FKRP: variants seen among roughly 807,000 people sequenced by gnomAD.
FKRP encodes ribitol 5-phosphate transferase FKRP.
In FKRP, 25 loss-of-function variants were observed where a neutral mutation model predicts 30.6. That is an observed-to-expected ratio of 0.82 (90% CI 0.60 to 1.14). The LOEUF (loss-of-function observed/expected upper bound fraction) is 1.14, where lower values mean the gene tolerates loss of function less well. Ranked by LOEUF, FKRP falls within the 50% of genes most tolerant of loss-of-function variation. The pLI is 0.00. For synonymous variants in FKRP, 358 were observed against 342.5 expected, an observed-to-expected ratio of 1.05 and a Z score of -0.50; for missense variants, 771 against 727.8, an observed-to-expected ratio of 1.06 and a Z score of -0.68.
chr19:46,746,430 T>C (rs1335864585), intron 1 of FKRP: 9 of 1,013,994 alleles, frequency 8.9e-6, no homozygotes, highest in Non-Finnish European at 9.4e-6. Context: ...TCCTCCATCA[T>C]GGAGGCCCCG....
intron 1 of FKRP, chr19:46,746,494 C>G (rs1200018335): frequency 6.5e-5 from 8 of 122,452 alleles, no homozygotes; most frequent in Non-Finnish European, 7.7e-5. Flanking sequence ...CGCGCCAACA[C>G]CCCCCCCCCT....
chr19:46,746,295 T>G (rs2054610501), intron 1 of FKRP: 4 of 1,396,868 alleles, frequency 2.9e-6, no homozygotes, highest in African/African-American at 1.5e-5. Flanking sequence ...CCGCCTCCCT[T>G]ACCTGCCGGG....
chr19:46,746,408 G>A, intron 1 of FKRP: 5 of 1,046,124 alleles, frequency 4.8e-6, no homozygotes, highest in East Asian at 8.1e-5. Context: ...GGCGACCGCG[G>A]CGGCCGCTCG....
intron 2 of FKRP, 114 bp downstream of exon 2, chr19:46,748,202 G>A (rs2054706336): frequency 6.6e-6 from 1 of 152,046 alleles, no homozygotes; most frequent in Admixed American, 6.6e-5. Flanking sequence ...TTTTGAGACG[G>A]AGTGTCGCTC....
intron 1 of FKRP, chr19:46,747,203 T>G (rs1203556700): frequency 6.6e-6 from 1 of 152,482 alleles, no homozygotes; most frequent in Non-Finnish European, 1.5e-5. Flanking sequence ...GGGAGGCCCA[T>G]GCACCAAACT....
intron 1 of FKRP, chr19:46,747,029 T>G (rs983151767): frequency 9.8e-5 from 15 of 152,292 alleles, no homozygotes; most frequent in Admixed American, 5.3e-4. Flanking sequence ...TCTGCTCCTA[T>G]CCTCATTGAT....
Position 46,757,031 on chromosome 19 carries a change from A to T in FKRP, c.*93A>T. ...TGAGGGGTGGAGGGATGTCGCGGAG[A>T]GGGGAAGGGGGAAACTGACCAAGAA... On this transcript the variant is annotated 3_prime_UTR_variant, in exon 4 of 4. Transcript: ENST00000318584. 6.6e-7 allele frequency: 1 copy of T among 1,506,450 alleles called. No individual in the cohort carries two copies. The allele number at this position is 1,506,450 out of a possible 1,614,324, so 93.3% of individuals were successfully genotyped here.
Position 46,758,329 on chromosome 19 carries a change from T to C in FKRP, c.*1391T>C, listed in dbSNP as rs2054966982. 1 of 167,012 alleles carries C rather than the reference T, an allele frequency of 6.0e-6. No homozygotes were observed. The highest frequency in any genetic ancestry group is 6.6e-5 in the Admixed American group (1 of 15,262). 10.3% of individuals were successfully genotyped at this position (167,012 alleles called of 1,614,324 possible). A position where few individuals can be genotyped will look rare whatever the true frequency, so the allele number is the denominator to read the frequency against. On this transcript the variant is annotated 3_prime_UTR_variant, in exon 4 of 4. Coordinates refer to ENST00000318584, the MANE Select transcript of FKRP (RefSeq NM_024301.5). ...GGGGCTTGGAGACCCACTTAGCAGG[T>C]GAAAGCAATGGCAGCCTTCCTTATT...
At position 46,755,970 on chromosome 19, in the gene FKRP, A is replaced by T. The variant is rs200990647; in HGVS notation, c.520A>T (p.Ser174Cys). 2.2e-3 allele frequency: 3,449 copies of T among 1,539,596 alleles called. 29 individuals are homozygous for T. Among genetic ancestry groups the T allele is most frequent in the South Asian group, 0.015 (1,239 of 84,230 alleles). ...TGCCAGGTGCCTGGCCCTGAACGTC[A>T]GCCTGCGAGAGTGGACCGCCCGCTA... Reference protein sequence around the residue: ...NPARCLALNVSLREWTARYGA... With the variant: ...NPARCLALNVCLREWTARYGA... The change falls in exon 4 of 4, where the codon AGC (serine) becomes TGC (cysteine). Residue 174 changes from serine (S) to cysteine (C), a missense_variant. Physicochemically the swap from Ser to Cys is moderately radical, Grantham distance 112 (BLOSUM62 -1). Transcript: ENST00000318584.
chr19:46,745,985 C>G, upstream of FKRP: 1 of 893,632 alleles, frequency 1.1e-6, no homozygotes, highest in Non-Finnish European at 1.5e-6. Flanking sequence ...GGACACCCCT[C>G]GGACGGCCCC....
At chr19:46,755,112 C>T (rs1363403414) in intron 3 of FKRP, among the ~76,000 whole-genome samples, 1 of 151,734 alleles carries the variant, frequency 6.6e-6, no homozygotes, top group Non-Finnish European at 1.5e-5. Context: ...TATCAAACAA[C>T]TCCCCATTCC....
chr19:46,756,413 G>A lies in FKRP; in HGVS notation c.963G>A (p.Ala321=). 1 of 1,575,966 alleles carries A rather than the reference G, an allele frequency of 6.3e-7. No homozygotes were observed. Among genetic ancestry groups the A allele is most frequent in the Non-Finnish European group, 8.6e-7 (1 of 1,161,690 alleles). The change falls in exon 4 of 4, where the codon GCG becomes GCA. Residue 321 remains alanine (A), a synonymous_variant. Coordinates refer to ENST00000318584, the MANE Select transcript of FKRP (RefSeq NM_024301.5). This position sits in a 1 kb window ranked among gnomAD's most constrained non-coding sequence, Gnocchi z 6.6. ...GGACGCCCCCCTGCTGCCTGCGCGC[G>A]CTGCGCGAGACCGCCCGCTATGTGG... is the stretch of plus-strand genomic sequence containing the variant. The part of the protein sequence containing the change: ...ERWTPPCCLR[A]LRETARYVVG...
chr19:46,745,056 G>A (rs2054552758), upstream of FKRP, among the ~76,000 whole-genome samples: 1 of 105,236 alleles, frequency 9.5e-6, no homozygotes, highest in African/African-American at 3.9e-5. Flanking sequence ...CCCCCGTTCC[G>A]AGATGCCTCC....
chr19:46,746,493 ACC>A (rs376315232), intron 1 of FKRP: 184,342 of 679,834 alleles, frequency 0.27, 22,894 homozygotes, highest in Middle Eastern at 0.32. Context: ...CCGCGCCAAC[ACC>A]CCCCCCCCTC....
At chr19:46,751,421 C>A (rs1473859240) in intron 3 of FKRP, among the ~76,000 whole-genome samples, 1 of 152,012 alleles carries the variant, frequency 6.6e-6, no homozygotes, top group Non-Finnish European at 1.5e-5. Flanking sequence ...TGTTGTTGCC[C>A]AGGCTGGAGT....
chr19:46,750,986 A>C (rs561748880), intron 3 of FKRP, among the ~76,000 whole-genome samples: 1 of 152,250 alleles, frequency 6.6e-6, no homozygotes, highest in Admixed American at 6.5e-5. Context: ...AAACAAGCTA[A>C]GTAAAATCCA....
Position 46,756,398 on chromosome 19 carries a change from C to G in FKRP, c.948C>G (p.Pro316=). The change falls in exon 4 of 4, where the codon CCC becomes CCG. Residue 316 remains proline, a synonymous_variant. Coordinates refer to ENST00000318584, the MANE Select transcript of FKRP (RefSeq NM_024301.5). The surrounding 1 kb of genome is among the most constrained non-coding windows in gnomAD (Gnocchi z 6.6). The part of the protein sequence containing the change: ...AYLYEERWTP[P]CCLRALRETA... ...TCTACGAGGAGCGCTGGACGCCCCCCTGCTGCCTGCGCGCGCTGCGCGAGA... is the reference window on the plus strand; with the variant it reads ...TCTACGAGGAGCGCTGGACGCCCCCGTGCTGCCTGCGCGCGCTGCGCGAGA... The G allele has an allele frequency of 6.4e-7, 1 of 1,569,584 alleles. No individual in the cohort carries two copies. The highest frequency in any genetic ancestry group is 8.6e-7 in the Non-Finnish European group (1 of 1,158,502).
In FKRP at chr19:46,757,074, C is replaced by A; in HGVS notation, c.*136C>A. ...ACCAAGAAAGAAATTCTAAGGAGAG[C>A]ATGAGAGAAGGCTGGCATTGGCAGG... On this transcript the variant is annotated 3_prime_UTR_variant, in exon 4 of 4. Coordinates refer to ENST00000318584, the MANE Select transcript of FKRP (RefSeq NM_024301.5). The A allele has an allele frequency of 8.3e-7, 1 of 1,206,594 alleles. No homozygotes were observed. Among genetic ancestry groups the A allele is most frequent in the East Asian group, 2.5e-5 (1 of 39,270 alleles). 74.7% of individuals were successfully genotyped at this position (1,206,594 alleles called of 1,614,324 possible).
chr19:46,745,055 C>T (rs1021884164), upstream of FKRP, among the ~76,000 whole-genome samples: 7 of 151,316 alleles, frequency 4.6e-5, no homozygotes, highest in Non-Finnish European at 8.8e-5. Context: ...ACCCCCGTTC[C>T]GAGATGCCTC....
Sources: gnomAD v4.1 joint callset for allele counts (sites outside exome capture counted in the v4.1 genomes callset) on GRCh38, gnomAD v4.1.1 for gene constraint, Gnocchi (gnomAD v3.1) non-coding constraint, MANE v1.5 for transcripts, NCBI Gene and HGNC (gene_info 2026-07-23, HGNC 2026-07-21) for gene names.